Variants in NFKBID observed in about 807,000 individuals in gnomAD.
NFKBID encodes the protein NF-kappa-B inhibitor delta.
Under a neutral mutation model 53.4 loss-of-function variants are expected in NFKBID, and 26 were observed. That is an observed-to-expected ratio of 0.49 (90% CI 0.36 to 0.68). NFKBID has a LOEUF of 0.68. Ranked by LOEUF, NFKBID falls within the 30% of genes least tolerant of loss-of-function variation. The probability of loss-of-function intolerance (pLI) is 0.00; values close to 1 mark genes in which losing one functional copy is unlikely to be tolerated. For missense variants in NFKBID, 493 were observed against 614.1 expected (o/e 0.80, Z 2.08); for synonymous variants, 262 against 259.8 (o/e 1.01, Z -0.08).
intron 9 of NFKBID, among the ~76,000 whole-genome samples, chr19:35,895,671 A>T (rs1975088830): frequency 6.7e-6 from 1 of 148,314 alleles, no homozygotes; most frequent in African/African-American, 2.5e-5. Flanking sequence ...AGGCGTGGTG[A>T]CTCATGCCTG....
At chr19:35,901,076 G>C, upstream of NFKBID, among the ~76,000 whole-genome samples, 1 of 152,050 alleles carries the variant, frequency 6.6e-6, no homozygotes, top group Middle Eastern at 3.4e-3. Flanking sequence ...CAGGTGACCC[G>C]CCTGCCTTGG....
At position 35,891,502 on chromosome 19, in the gene NFKBID, A is replaced by T. The variant is rs147675601; in HGVS notation, c.1033-1012T>A. ...TACAGCCAAAAGGAAATTTGAATACAGCCAGGATATTTGGTATTACAAGAA... is the reference window on the plus strand; with the variant it reads ...TACAGCCAAAAGGAAATTTGAATACTGCCAGGATATTTGGTATTACAAGAA... On this transcript the variant is annotated intron_variant, in intron 9 of 11. Coordinates refer to ENST00000641389, the Ensembl canonical transcript of NFKBID. 5.6e-3 allele frequency among the ~76,000 whole-genome samples: 854 copies of T among 152,336 alleles called. 5 individuals are homozygous for T. The highest frequency in any genetic ancestry group is 0.01 in the Non-Finnish European group (692 of 68,044).
intron 9 of NFKBID, among the ~76,000 whole-genome samples, chr19:35,893,332 C>T (rs564049417): frequency 6.6e-6 from 1 of 152,288 alleles, no homozygotes; most frequent in East Asian, 1.9e-4. Context: ...TACTTTGCAA[C>T]CATTAAGAGC....
intron 9 of NFKBID, among the ~76,000 whole-genome samples, chr19:35,892,737 G>A (rs1419187965): frequency 6.6e-6 from 1 of 152,054 alleles, no homozygotes; most frequent in East Asian, 1.9e-4. Context: ...TTGTCTAAGA[G>A]CTCCTTCTAC....
At chr19:35,898,504 G>A in exon 3 of NFKBID, 3 of 1,534,158 alleles carry the variant, frequency 2.0e-6, no homozygotes, top group Non-Finnish European at 2.6e-6. Flanking sequence ...TGGGGTCAGG[G>A]GCTGCTCTGG....
rs1400474459 is a variant in NFKBID, at chr19:35,896,755, G to A, written c.655C>T (p.Arg219Cys). 11 of 1,613,738 alleles carry A rather than the reference G, an allele frequency of 6.8e-6. No individual in the cohort carries two copies. The highest frequency in any genetic ancestry group is 2.7e-5 in the African/African-American group (2 of 74,862). The change falls in exon 6 of 12, where the codon CGT becomes TGT. Residue 219 changes from arginine to cysteine, a missense_variant. Arg to Cys is a radical substitution (Grantham distance 180). Coordinates refer to ENST00000641389, the Ensembl canonical transcript of NFKBID. This position sits in a 1 kb window ranked among gnomAD's most constrained non-coding sequence, Gnocchi z 5.7. ...CCCTTATGCTCACGAATGTCAAGACGCCGGTACACCTGGAGCACCTCAGCC... is the reference window on the plus strand; with the variant it reads ...CCCTTATGCTCACGAATGTCAAGACACCGGTACACCTGGAGCACCTCAGCC...
intron 1 of NFKBID, among the ~76,000 whole-genome samples, chr19:35,899,333 A>C (rs1975413543): frequency 6.6e-6 from 1 of 151,920 alleles, no homozygotes; most frequent in South Asian, 2.1e-4. Context: ...TAATCCCAAC[A>C]CTTTGAGAGG....
chr19:35,900,475 C>T (rs1975500263), exon 1 of NFKBID: 19 of 1,231,928 alleles, frequency 1.5e-5, no homozygotes, highest in Non-Finnish European at 1.7e-5. Flanking sequence ...TGCGGGCCCC[C>T]AGGGCCGCGG....
chr19:35,897,072 G>A lies in NFKBID; in HGVS notation c.433-14C>T. The A allele has an allele frequency of 6.3e-7, 1 of 1,596,214 alleles. No homozygotes were observed. The highest frequency in any genetic ancestry group is 1.7e-4 in the Middle Eastern group (1 of 5,962). On this transcript the variant is annotated splice_polypyrimidine_tract_variant and intron_variant, in intron 4 of 11. Coordinates refer to ENST00000641389, the Ensembl canonical transcript of NFKBID. Reference sequence around the variant, plus strand: ...CCAGGGTCCAGCCTGTGGCAGAGAAGATCCTACATAGAACTGGGTGTCTGG... The same window carrying A: ...CCAGGGTCCAGCCTGTGGCAGAGAAAATCCTACATAGAACTGGGTGTCTGG...
chr19:35,893,645 T>C (rs1031010413), intron 9 of NFKBID, among the ~76,000 whole-genome samples: 1 of 151,248 alleles, frequency 6.6e-6, no homozygotes, highest in Non-Finnish European at 1.5e-5. Flanking sequence ...ACGGTGAAAC[T>C]GCGTCTCTAC....
chr19:35,890,177 C>G (rs768184761), intron 10 of NFKBID, 123 bp from the exon 11 acceptor site: 14 of 1,055,322 alleles, frequency 1.3e-5, no homozygotes, highest in East Asian at 2.6e-5. Context: ...AGACCTCCCC[C>G]GGCCACAGCC....
At chr19:35,891,266 CT>C (rs1449823592) in intron 9 of NFKBID, among the ~76,000 whole-genome samples, 4 of 152,238 alleles carry the variant, frequency 2.6e-5, no homozygotes, top group Admixed American at 2.6e-4. Flanking sequence ...AAAATGAAAC[CT>C]TTTTATGTGT....
chr19:35,890,461 G>A, exon 10 of NFKBID: 3 of 1,613,974 alleles, frequency 1.9e-6, no homozygotes, highest in African/African-American at 1.3e-5. Flanking sequence ...GCACGGCCAA[G>A]TGCAGAACTG....
Position 35,896,436 on chromosome 19 carries a change from C to A in NFKBID, c.787G>T (p.Val263Phe). The change falls in exon 7 of 12, where the codon GTC (valine) becomes TTC (phenylalanine). Residue 263 changes from valine (V) to phenylalanine (F), a missense_variant. Val to Phe is a conservative substitution (Grantham distance 50, BLOSUM62 -1). Transcript: ENST00000641389. This position sits in a 1 kb window ranked among gnomAD's most constrained non-coding sequence, Gnocchi z 5.7. ...CCGTAGGTAGCGGCCACGTGCAAGA[C>A]CGAACGTCCCTGATGGTCAGCGGCA... The A allele has an allele frequency of 6.2e-7, 1 of 1,614,198 alleles. No homozygotes were observed. The highest frequency in any genetic ancestry group is 1.6e-4 in the Middle Eastern group (1 of 6,062).
chr19:35,897,336 T>C (rs1440513861), intron 4 of NFKBID, among the ~76,000 whole-genome samples: 5 of 151,824 alleles, frequency 3.3e-5, no homozygotes, highest in Non-Finnish European at 7.4e-5. Context: ...CTCACTGCAA[T>C]CTCTACCTCC....
chr19:35,892,820 T>A lies in NFKBID; in HGVS notation c.1033-2330A>T, dbSNP rs546739057. ...TGTTTACTTATCATCTCCTCTCTTTTCCATTAAATTTTAATGTCTAAAAGT... is the reference window on the plus strand; with the variant it reads ...TGTTTACTTATCATCTCCTCTCTTTACCATTAAATTTTAATGTCTAAAAGT... On this transcript the variant is annotated intron_variant, in intron 9 of 11. Transcript: ENST00000641389. Among the ~76,000 whole-genome samples the A allele has an allele frequency of 2.0e-5, 3 of 152,326 alleles. No individual in the cohort carries two copies. In the East Asian group the frequency reaches 5.8e-4, roughly 29 times the overall value.
At chr19:35,898,673 C>A (rs766764283) in intron 2 of NFKBID, 46 bp downstream of exon 2, 1 of 1,502,522 alleles carries the variant, frequency 6.7e-7, no homozygotes, top group South Asian at 1.2e-5. Flanking sequence ...TGAGTCCCTA[C>A]GGGACAGCAC....
At chr19:35,900,400 ACTCT>A in intron 1 of NFKBID, 38 bp downstream of exon 1, 1 of 1,216,332 alleles carries the variant, frequency 8.2e-7, no homozygotes. Flanking sequence ...TCAGTCCCTC[ACTCT>A]CTTAGGGGGC....
chr19:35,895,869 G>T, intron 9 of NFKBID, 111 bp downstream of exon 9: 1 of 930,796 alleles, frequency 1.1e-6, no homozygotes, highest in Non-Finnish European at 1.7e-6. Flanking sequence ...CATGTTCAAG[G>T]GCACGCAGCA....
Sources: allele counts gnomAD v4.1 joint callset (sites outside exome capture counted in the v4.1 genomes callset), GRCh38; gene constraint gnomAD v4.1.1; non-coding constraint Gnocchi (gnomAD v3.1); transcripts MANE v1.5; gene names NCBI Gene and HGNC (gene_info 2026-07-23, HGNC 2026-07-21).